CACNA1H: variants seen among roughly 807,000 people sequenced by gnomAD.
The protein encoded by CACNA1H is calcium voltage-gated channel subunit alpha1 H.
In CACNA1H, 149 loss-of-function variants were observed where a neutral mutation model predicts 192.5. The ratio of observed to expected loss-of-function variants is 0.77; its 90% CI spans 0.68 to 0.89. The LOEUF is 0.89. Among genes scored for constraint, CACNA1H ranks in the 40% least tolerant of loss-of-function variants. The pLI, the probability that CACNA1H is intolerant of heterozygous loss-of-function variation, is 0.00. For missense variants in CACNA1H, 4,257 were observed against 3,423.5 expected, an observed-to-expected ratio of 1.24 and a Z score of -6.08; for synonymous variants, 2,202 against 1,475.2, an observed-to-expected ratio of 1.49 and a Z score of -11.29.
intron 2 of CACNA1H, among the ~76,000 whole-genome samples, chr16:1,155,563 C>T (rs1962233307): frequency 6.6e-6 from 1 of 152,120 alleles, no homozygotes. Flanking sequence ...CCTTGTTTCC[C>T]AACGTGTGCA....
At chr16:1,172,112 G>A (rs1459253335) in intron 2 of CACNA1H, among the ~76,000 whole-genome samples, 2 of 152,092 alleles carry the variant, frequency 1.3e-5, no homozygotes, top group Non-Finnish European at 2.9e-5. Context: ...GGATGATGCT[G>A]GGGTGGACGG....
chr16:1,168,625 C>T (rs1306024125), intron 2 of CACNA1H, among the ~76,000 whole-genome samples: 1 of 151,986 alleles, frequency 6.6e-6, no homozygotes. Context: ...CCTCAGTGTC[C>T]CCCGAGCCCC....
intron 26 of CACNA1H, 76 bp downstream of exon 26, chr16:1,212,604 T>A: frequency 6.5e-7 from 1 of 1,539,536 alleles, no homozygotes; most frequent in Non-Finnish European, 8.8e-7. Context: ...ATCCCAGGCC[T>A]GCTGGGGTCC....
intron 6 of CACNA1H, 133 bp downstream of exon 6, chr16:1,198,907 C>T: frequency 2.5e-6 from 2 of 804,356 alleles, no homozygotes; most frequent in East Asian, 2.7e-5. Context: ...ACTGCTGTCC[C>T]CGTCATGGCT....
rs757429018 is a variant in CACNA1H, at chr16:1,213,767, G to T, written c.4778-13G>T. On this transcript the variant is annotated splice_polypyrimidine_tract_variant and intron_variant, in intron 26 of 34. Transcript: ENST00000348261. The stretch of plus-strand genomic sequence containing the variant: ...GCCCTCCTGCCCGGCGCTCATGGCC[G>T]CCCTCCCCGCAGAGGCCCAGCGCCG... The T allele has an allele frequency of 6.5e-7, 1 of 1,535,666 alleles. No homozygotes were observed. Among genetic ancestry groups the T allele is most frequent in the Non-Finnish European group, 8.7e-7 (1 of 1,142,994 alleles).
intron 2 of CACNA1H, among the ~76,000 whole-genome samples, chr16:1,174,301 C>T (rs566639017): frequency 6.6e-6 from 1 of 152,344 alleles, no homozygotes; most frequent in Non-Finnish European, 1.5e-5. Context: ...CTCATTTCTC[C>T]TGGAGCGCAC....
At position 1,202,191 on chromosome 16, in the gene CACNA1H, C is replaced by G; in HGVS notation, c.1741C>G (p.His581Asp). Residue 581 changes from histidine to aspartate, a missense_variant, in exon 9 of 35, where the codon CAC (histidine) becomes GAC (aspartate). Coordinates refer to ENST00000348261, the MANE Select transcript of CACNA1H (RefSeq NM_021098.3). The stretch of plus-strand genomic sequence containing the variant: ...GCACAGCATCTACCATGCCGACTGC[C>G]ACATAGAGGGGCCGCAGGAGAGGGC... ...SVHSIYHADC[H>D]IEGPQERARV... is the part of the protein sequence containing the mutation. 6.4e-7 allele frequency: 1 copy of G among 1,553,174 alleles called. No homozygotes were observed. The highest frequency in any genetic ancestry group is 8.7e-7 in the Non-Finnish European group (1 of 1,149,278).
At chr16:1,215,764 G>A (rs552991095) in intron 30 of CACNA1H, among the ~76,000 whole-genome samples, 171 bp downstream of exon 30, 1 of 152,184 alleles carries the variant, frequency 6.6e-6, no homozygotes, top group Admixed American at 6.5e-5. Context: ...GCTGGCAGAG[G>A]TGGATCCAGC....
At chr16:1,186,144 T>TGAGTA (rs1222773189) in intron 2 of CACNA1H, among the ~76,000 whole-genome samples, 14 of 130,920 alleles carry the variant, frequency 1.1e-4, no homozygotes, top group Admixed American at 3.0e-4. Flanking sequence ...ACGGGGCGGG[T>TGAGTA]GACTAGACGG....
At chr16:1,156,605 A>C (rs1452988953) in intron 2 of CACNA1H, among the ~76,000 whole-genome samples, 3 of 152,132 alleles carry the variant, frequency 2.0e-5, no homozygotes, top group Admixed American at 2.0e-4. Flanking sequence ...CCTGGGCCTC[A>C]GCCTCCCCTC....
At chr16:1,202,625 C>A (rs993727711) in intron 9 of CACNA1H, among the ~76,000 whole-genome samples, 173 bp downstream of exon 9, 1 of 152,072 alleles carries the variant, frequency 6.6e-6, no homozygotes, top group African/African-American at 2.4e-5. Flanking sequence ...AGAGGCAGGT[C>A]CCGCCCCTGA....
chr16:1,210,439 C>T lies in CACNA1H; in HGVS notation c.3915C>T (p.Phe1305=), dbSNP rs929332183. Residue 1305 remains phenylalanine, a synonymous_variant, in exon 19 of 35, where the codon TTC becomes TTT. Transcript: ENST00000348261. The part of the protein sequence containing the change: ...MFDHVVLVFI[F]LNCVTIALER... ...ATCACGTGGTCCTCGTCTTCATCTT[C>T]CTCAACTGCGTCACCATCGCCCTGG... 2.3e-5 allele frequency: 36 copies of T among 1,586,448 alleles called. No individual in the cohort carries two copies. Among genetic ancestry groups the T allele is most frequent in the Non-Finnish European group, 2.6e-5 (30 of 1,164,228 alleles).
intron 2 of CACNA1H, among the ~76,000 whole-genome samples, chr16:1,178,059 ACCCCCCCCCCCATG>A (rs1965081047): frequency 1.4e-4 from 1 of 7,380 alleles, no homozygotes; most frequent in African/African-American, 4.7e-4. Flanking sequence ...CCACCCCGGA[ACCCCCCCCCCCATG>A]GACTCTCCTG....
intron 30 of CACNA1H, among the ~76,000 whole-genome samples, chr16:1,216,038 A>C (rs1053307325): frequency 6.6e-6 from 1 of 152,052 alleles, no homozygotes. Context: ...CTGTCCTCCA[A>C]GGCCAAGAGA....
intron 10 of CACNA1H, 37 bp from the exon 11 acceptor site, chr16:1,205,077 G>A (rs370425832): frequency 5.7e-6 from 9 of 1,577,256 alleles, no homozygotes; most frequent in African/African-American, 4.0e-5. Flanking sequence ...GGAGCCGCGG[G>A]TGCGGCCTCC....
chr16:1,174,886 C>G (rs1171494330), intron 2 of CACNA1H, among the ~76,000 whole-genome samples: 1 of 152,112 alleles, frequency 6.6e-6, no homozygotes, highest in Admixed American at 6.5e-5. Flanking sequence ...GGTGGGCAGG[C>G]AGGGGGCCGG....
intron 2 of CACNA1H, among the ~76,000 whole-genome samples, chr16:1,166,959 G>A (rs1018477277): frequency 1.4e-4 from 22 of 152,328 alleles, no homozygotes; most frequent in Non-Finnish European, 2.1e-4. Flanking sequence ...TGCTGGGTCA[G>A]GCGGAAACAG....
intron 27 of CACNA1H, 44 bp from the exon 28 acceptor site, chr16:1,214,928 G>A: frequency 7.0e-7 from 1 of 1,432,260 alleles, no homozygotes; most frequent in Non-Finnish European, 9.7e-7. Flanking sequence ...GGGAAGAGGG[G>A]TGGCCCCAGC....
At position 1,220,025 on chromosome 16, in the gene CACNA1H, T is replaced by G; in HGVS notation, c.6093T>G (p.Pro2031=). 1 of 1,407,064 alleles carries G rather than the reference T, an allele frequency of 7.1e-7. No individual in the cohort carries two copies. Among genetic ancestry groups the G allele is most frequent in the Non-Finnish European group, 9.3e-7 (1 of 1,080,212 alleles). The allele number at this position is 1,407,064 out of a possible 1,614,324, so 87.2% of individuals were successfully genotyped here. Residue 2031 remains proline (P), a synonymous_variant, in exon 35 of 35, where the codon CCT becomes CCG. Transcript: ENST00000348261. ...TDSLEGKIDS[P]RDTLDPAEPG... Reference sequence around the variant, plus strand: ...CCTTGGAAGGGAAGATTGACAGCCCTAGGGACACCCTGGATCCTGCAGAGC... The same window carrying G: ...CCTTGGAAGGGAAGATTGACAGCCCGAGGGACACCCTGGATCCTGCAGAGC...
Sources: gnomAD v4.1 joint callset for allele counts (sites outside exome capture counted in the v4.1 genomes callset) on GRCh38, gnomAD v4.1.1 for gene constraint, MANE v1.5 for transcripts, NCBI Gene and HGNC (gene_info 2026-07-23, HGNC 2026-07-21) for gene names.